CNOT2: variants seen among roughly 807,000 people sequenced by gnomAD.
The protein encoded by CNOT2 is CC chemokine receptor 4-negative regulator of transcription 2.
A neutral mutation model predicts 72.1 loss-of-function variants in CNOT2; 7 were observed. The ratio of observed to expected loss-of-function variants is 0.10; its 90% CI spans 0.06 to 0.18. The LOEUF is 0.18. Ranked by LOEUF, CNOT2 falls within the 10% of genes least tolerant of loss-of-function variation. The pLI, the probability that CNOT2 is intolerant of heterozygous loss-of-function variation, is 1.00. For synonymous variants in CNOT2, 196 were observed against 225.6 expected, an observed-to-expected ratio of 0.87 and a Z score of 1.17; for missense variants, 345 against 660.3, an observed-to-expected ratio of 0.52 and a Z score of 5.23.
chr12:70,301,167 C>T (rs867406008), intron 2 of CNOT2, among the ~76,000 whole-genome samples: 20 of 152,156 alleles, frequency 1.3e-4, no homozygotes, highest in African/African-American at 4.3e-4. Flanking sequence ...CACCTGCAAA[C>T]AGGGTCAATT....
At chr12:70,324,941 G>A (rs1004404593) in intron 4 of CNOT2, among the ~76,000 whole-genome samples, 3 of 151,832 alleles carry the variant, frequency 2.0e-5, no homozygotes, top group South Asian at 2.1e-4. Context: ...ACTATCTTCT[G>A]TCTCCTCCAG....
intron 11 of CNOT2, among the ~76,000 whole-genome samples, chr12:70,341,327 G>C (rs919586195): frequency 1.3e-5 from 2 of 152,074 alleles, no homozygotes; most frequent in African/African-American, 4.8e-5. Context: ...TGTCAGTCAT[G>C]TCCCTGCCTT....
chr12:70,299,773 G>A (rs1471764872), intron 2 of CNOT2, among the ~76,000 whole-genome samples: 5 of 152,098 alleles, frequency 3.3e-5, no homozygotes, highest in African/African-American at 1.2e-4. Flanking sequence ...GGTATTTCTA[G>A]TTCTAGATCC....
At chr12:70,348,776 C>T (rs1485872386) in intron 15 of CNOT2, among the ~76,000 whole-genome samples, 1 of 151,800 alleles carries the variant, frequency 6.6e-6, no homozygotes, top group African/African-American at 2.4e-5. Flanking sequence ...TAATTTCCAG[C>T]AAAAGCAATT....
intron 1 of CNOT2, among the ~76,000 whole-genome samples, chr12:70,260,823 ACTT>A (rs765383704): frequency 4.1e-5 from 6 of 145,842 alleles, no homozygotes; most frequent in African/African-American, 7.5e-5. Context: ...AGGTAGTTTC[ACTT>A]CTTCTTTTCC....
At chr12:70,257,984 G>A (rs149479121) in intron 1 of CNOT2, among the ~76,000 whole-genome samples, 5 of 152,238 alleles carry the variant, frequency 3.3e-5, no homozygotes, top group African/African-American at 9.6e-5. Context: ...TGAGTATGTT[G>A]TGTTAACAAA....
At chr12:70,269,359 A>G (rs936837298) in intron 1 of CNOT2, among the ~76,000 whole-genome samples, 1 of 149,436 alleles carries the variant, frequency 6.7e-6, no homozygotes, top group Non-Finnish European at 1.5e-5. Context: ...ATGCTGTGAT[A>G]TTCTCATCCA....
chr12:70,250,451 C>G (rs1458158978), intron 1 of CNOT2, among the ~76,000 whole-genome samples: 1 of 151,988 alleles, frequency 6.6e-6, no homozygotes, highest in African/African-American at 2.4e-5. Flanking sequence ...AGTGTTTAGT[C>G]TCTGCTTGAC....
At chr12:70,254,024 G>A (rs1030349639) in intron 1 of CNOT2, among the ~76,000 whole-genome samples, 1 of 152,012 alleles carries the variant, frequency 6.6e-6, no homozygotes, top group Admixed American at 6.5e-5. Flanking sequence ...AGATCACGAG[G>A]TCAGGAGATT....
intron 2 of CNOT2, among the ~76,000 whole-genome samples, chr12:70,305,602 A>C (rs141896431): frequency 6.6e-6 from 1 of 152,362 alleles, no homozygotes; most frequent in African/African-American, 2.4e-5. Context: ...TTTGAGAGTT[A>C]AAGTGACATT....
Position 70,353,913 on chromosome 12 carries a change from TAAAAAAAAAA to T in CNOT2, c.*14_*23del, listed in dbSNP as rs35192504. 51 of 1,275,470 alleles carry T rather than the reference TAAAAAAAAAA, an allele frequency of 4.0e-5. No individual in the cohort carries two copies. The South Asian group carries it at 4.2e-4, about 11-fold the overall frequency. The allele number at this position is 1,275,470 out of a possible 1,614,324, so 79.0% of individuals were successfully genotyped here. A position where few individuals can be genotyped will look rare whatever the true frequency, so the allele number is the denominator to read the frequency against. Reference sequence around the variant, plus strand: ...CTACAACCCTGCTCAGCAAGCCTTCTAAAAAAAAAAAAAAAAAAAAAAAAAGACTTCCCTT... The same window carrying T: ...CTACAACCCTGCTCAGCAAGCCTTCTAAAAAAAAAAAAAAAGACTTCCCTT... On this transcript the variant is annotated stop_retained_variant and 3_prime_UTR_variant, in exon 16 of 16. Transcript: ENST00000229195.
intron 1 of CNOT2, among the ~76,000 whole-genome samples, chr12:70,274,375 A>G (rs925083163): frequency 1.3e-5 from 2 of 152,090 alleles, no homozygotes; most frequent in Non-Finnish European, 2.9e-5. Flanking sequence ...GAAATCGGTC[A>G]CATCTTGTAG....
At chr12:70,299,016 T>C (rs1238657222) in intron 2 of CNOT2, among the ~76,000 whole-genome samples, 1 of 152,122 alleles carries the variant, frequency 6.6e-6, no homozygotes, top group East Asian at 1.9e-4. Flanking sequence ...TATTAGTCCG[T>C]TCTCATGCTA....
intron 1 of CNOT2, among the ~76,000 whole-genome samples, chr12:70,274,761 T>C (rs1422816758): frequency 6.6e-6 from 1 of 152,106 alleles, no homozygotes; most frequent in Non-Finnish European, 1.5e-5. Flanking sequence ...AATGTCATAT[T>C]AATGGAATTG....
intron 1 of CNOT2, among the ~76,000 whole-genome samples, chr12:70,249,980 A>C (rs368611193): frequency 2.0e-5 from 3 of 152,094 alleles, no homozygotes; most frequent in African/African-American, 7.2e-5. Context: ...TTTCTAATCT[A>C]TGCTTGCTTA....
intron 4 of CNOT2, among the ~76,000 whole-genome samples, chr12:70,321,264 T>C (rs973122598): frequency 4.0e-5 from 6 of 151,780 alleles, no homozygotes; most frequent in African/African-American, 1.4e-4. Flanking sequence ...AGGGTGTAAT[T>C]ATGTTTTTCC....
At position 70,329,585 on chromosome 12, in the gene CNOT2, A is replaced by G. The variant is rs758317551; in HGVS notation, c.386+15A>G. ...TCTCCAAGCAGGTATTTATTGATGG[A>G]CCAGAATATTTTTCAAAATGTATCT... On this transcript the variant is annotated intron_variant, in intron 5 of 15. Transcript: ENST00000229195. 8 of 1,583,428 alleles carry G rather than the reference A, an allele frequency of 5.1e-6. No homozygotes were observed. Among genetic ancestry groups the G allele is most frequent in the African/African-American group, 1.3e-5 (1 of 74,156 alleles).
intron 2 of CNOT2, chr12:70,307,601 G>A (rs920608262): frequency 6.6e-6 from 1 of 151,420 alleles, no homozygotes; most frequent in African/African-American, 2.4e-5. Flanking sequence ...TTTAACATAC[G>A]TTGTAACCAG....
chr12:70,308,556 T>TCG (rs1491461374), intron 2 of CNOT2, among the ~76,000 whole-genome samples: 8 of 41,148 alleles, frequency 1.9e-4, no homozygotes, highest in Non-Finnish European at 4.3e-4. Context: ...TGGTATATTT[T>TCG]CTCTCTCTCT....
Sources: allele counts gnomAD v4.1 joint callset (sites outside exome capture counted in the v4.1 genomes callset), GRCh38; gene constraint gnomAD v4.1.1; transcripts MANE v1.5; gene names NCBI Gene and HGNC (gene_info 2026-07-23, HGNC 2026-07-21).